Variants in FAM107B observed in about 807,000 individuals in gnomAD.
FAM107B encodes protein FAM107B.
In FAM107B, 21 loss-of-function variants were observed where a neutral mutation model predicts 31.5. The observed-to-expected ratio is 0.67, with a 90% confidence interval of 0.47 to 0.96. The LOEUF (loss-of-function observed/expected upper bound fraction) is 0.96. Ranked by LOEUF, FAM107B falls within the 40% of genes least tolerant of loss-of-function variation. FAM107B has a pLI of 0.00. For synonymous variants in FAM107B, 157 were observed against 141.5 expected (o/e 1.11, Z -0.78); for missense variants, 452 against 377.1 (o/e 1.20, Z -1.64).
intron 2 of FAM107B, among the ~76,000 whole-genome samples, chr10:14,655,793 G>GA (rs1854035930): frequency 6.6e-6 from 1 of 152,230 alleles, no homozygotes; most frequent in African/African-American, 2.4e-5. Context: ...CCCTCCTGGG[G>GA]ATCCCTGGGA....
chr10:14,575,172 T>C (rs897231645), intron 2 of FAM107B, among the ~76,000 whole-genome samples: 4 of 152,048 alleles, frequency 2.6e-5, no homozygotes, highest in African/African-American at 9.7e-5. Context: ...TACTTCCCTG[T>C]ACTGGGGATC....
intron 2 of FAM107B, among the ~76,000 whole-genome samples, chr10:14,538,333 T>C (rs11259166): frequency 0.12 from 18,255 of 152,142 alleles, 1,212 homozygotes; most frequent in Non-Finnish European, 0.16. Context: ...AACAGTAGGA[T>C]GGGTAAGTAA....
intron 2 of FAM107B, among the ~76,000 whole-genome samples, chr10:14,646,922 T>A (rs1853771474): frequency 1.3e-5 from 2 of 150,068 alleles, no homozygotes; most frequent in Non-Finnish European, 3.0e-5. Flanking sequence ...GTCTCCCAAG[T>A]AGCTGGGACT....
At chr10:14,675,276 G>T (rs1854655385) in intron 1 of FAM107B, among the ~76,000 whole-genome samples, 1 of 152,028 alleles carries the variant, frequency 6.6e-6, no homozygotes, top group Non-Finnish European at 1.5e-5. Flanking sequence ...CCGTGGTCAG[G>T]GTGCATACTG....
chr10:14,530,511 G>A lies in FAM107B; in HGVS notation c.474C>T (p.Ser158=), dbSNP rs1163615481. ...LELEQKMTSD[S]PPEDIDHKDS... ...CCTTATGGTCAATATCCTCAGGTGG[G>A]CTGTCTGAAAGAGAAAGATGAGAAA... is the stretch of plus-strand genomic sequence containing the variant. The change falls in exon 3 of 5, where the codon AGC becomes AGT. Residue 158 remains serine, a synonymous_variant. Transcript: ENST00000181796. The A allele has an allele frequency of 3.1e-6, 5 of 1,611,182 alleles. No homozygotes were observed. The African/African-American group carries it at 4.0e-5, about 13-fold the overall frequency.
intron 1 of FAM107B, among the ~76,000 whole-genome samples, chr10:14,761,011 CAAAAAAAAAA>C (rs565835423): frequency 0.048 from 3,731 of 78,054 alleles, 150 homozygotes; most frequent in African/African-American, 0.14. Flanking sequence ...GACTCCGTTT[CAAAAAAAAAA>C]AAAAAAAAAA....
At chr10:14,619,970 T>C (rs1419522325) in intron 2 of FAM107B, among the ~76,000 whole-genome samples, 1 of 151,358 alleles carries the variant, frequency 6.6e-6, no homozygotes, top group Non-Finnish European at 1.5e-5. Flanking sequence ...TTGTTGCAAA[T>C]CAGTTGACCG....
At chr10:14,671,448 C>T (rs954235216) in intron 1 of FAM107B, among the ~76,000 whole-genome samples, 26 of 152,140 alleles carry the variant, frequency 1.7e-4, no homozygotes, top group African/African-American at 6.0e-4. Context: ...AGGTTACACA[C>T]AGGAAGAGGA....
At chr10:14,575,930 T>C (rs1330247708) in intron 2 of FAM107B, among the ~76,000 whole-genome samples, 4 of 152,224 alleles carry the variant, frequency 2.6e-5, no homozygotes, top group Non-Finnish European at 5.9e-5. Context: ...AAGGAAATTG[T>C]CATACATGCT....
At chr10:14,537,179 A>T (rs947666400) in intron 2 of FAM107B, among the ~76,000 whole-genome samples, 1 of 152,174 alleles carries the variant, frequency 6.6e-6, no homozygotes, top group Non-Finnish European at 1.5e-5. Context: ...GCCAGAGTGG[A>T]GCAGCCATGC....
At chr10:14,649,526 T>C (rs1853846496) in intron 2 of FAM107B, among the ~76,000 whole-genome samples, 1 of 152,172 alleles carries the variant, frequency 6.6e-6, no homozygotes, top group African/African-American at 2.4e-5. Flanking sequence ...CAACTTCTTA[T>C]CTTAACCCAG....
intron 2 of FAM107B, among the ~76,000 whole-genome samples, chr10:14,583,628 A>T (rs1487108901): frequency 6.6e-6 from 1 of 152,146 alleles, no homozygotes; most frequent in Non-Finnish European, 1.5e-5. Context: ...CCTAAAGGTA[A>T]GGTGGGTGGG....
Position 14,712,078 on chromosome 10 carries a change from A to G in FAM107B, c.412-44387T>C, listed in dbSNP as rs112294327. Among the ~76,000 whole-genome samples the G allele has an allele frequency of 1.9e-3, 288 of 152,350 alleles. 1 individual carries two copies. The highest frequency in any genetic ancestry group is 5.8e-3 in the African/African-American group (241 of 41,572). ...AGAGCAAGAAATCTCCCAAGGTTAC[A>G]AAGTGAAGAAGACAGGACTTTCAAC... On this transcript the variant is annotated intron_variant, in intron 1 of 4. Transcript: ENST00000181796.
chr10:14,741,956 C>T (rs1225295740), intron 1 of FAM107B, among the ~76,000 whole-genome samples: 4 of 152,000 alleles, frequency 2.6e-5, no homozygotes, highest in Admixed American at 6.5e-5. Context: ...CCTCGTGATC[C>T]ACCCACCTCG....
chr10:14,683,656 T>C (rs1268472893), intron 1 of FAM107B, among the ~76,000 whole-genome samples: 1 of 152,240 alleles, frequency 6.6e-6, no homozygotes, highest in Admixed American at 6.5e-5. Flanking sequence ...AGAAATATCA[T>C]ATGGAGATAG....
chr10:14,535,566 T>C (rs1180826271), intron 2 of FAM107B, among the ~76,000 whole-genome samples: 2 of 151,928 alleles, frequency 1.3e-5, no homozygotes, highest in African/African-American at 2.4e-5. Flanking sequence ...TTCATGCAAC[T>C]AACATAAGAA....
chr10:14,564,048 T>C (rs957346244), intron 2 of FAM107B, among the ~76,000 whole-genome samples: 2 of 152,214 alleles, frequency 1.3e-5, no homozygotes, highest in South Asian at 4.1e-4. Flanking sequence ...TTTGTTATTT[T>C]TGAGTGAACT....
At chr10:14,624,726 C>T (rs1004990267) in intron 2 of FAM107B, among the ~76,000 whole-genome samples, 1 of 152,060 alleles carries the variant, frequency 6.6e-6, no homozygotes, top group Non-Finnish European at 1.5e-5. Flanking sequence ...GCACTCATGA[C>T]AAATGTCATA....
chr10:14,764,419 C>T (rs192384395), intron 1 of FAM107B, among the ~76,000 whole-genome samples: 216 of 152,226 alleles, frequency 1.4e-3, no homozygotes, highest in African/African-American at 5.0e-3. Context: ...TAACTGAACA[C>T]GAAACACACA....
Sources: gnomAD v4.1 joint callset for allele counts (sites outside exome capture counted in the v4.1 genomes callset) on GRCh38, gnomAD v4.1.1 for gene constraint, MANE v1.5 for transcripts, NCBI Gene and HGNC (gene_info 2026-07-23, HGNC 2026-07-21) for gene names.